The following ROBO1 variants were observed in gnomAD, a reference collection of about 807,000 sequenced individuals.
ROBO1 encodes roundabout homolog 1.
ROBO1 carries 149 observed loss-of-function variants against 195.9 expected under a neutral mutation model. That is an observed-to-expected ratio of 0.76 (90% CI 0.67 to 0.87). The LOEUF (loss-of-function observed/expected upper bound fraction) is 0.87, where lower values mean the gene tolerates loss of function less well. Ranked by LOEUF, ROBO1 falls within the 40% of genes least tolerant of loss-of-function variation. ROBO1 has a pLI of 0.00. For missense variants in ROBO1, 1,933 were observed against 2,068.3 expected, an observed-to-expected ratio of 0.93 and a Z score of 1.27; for synonymous variants, 816 against 733.2, an observed-to-expected ratio of 1.11 and a Z score of -1.82.
intron 2 of ROBO1, among the ~76,000 whole-genome samples, chr3:79,537,352 G>A (rs1225699961): frequency 1.3e-5 from 2 of 152,092 alleles, no homozygotes; most frequent in Non-Finnish European, 2.9e-5. Context: ...ATGGGAACGT[G>A]CAGGAAGTTA....
chr3:79,496,032 G>C (rs1483007291), intron 2 of ROBO1, among the ~76,000 whole-genome samples: 1 of 151,924 alleles, frequency 6.6e-6, no homozygotes, highest in East Asian at 1.9e-4. Context: ...GGCCAACATG[G>C]TGAAACCCCG....
intron 2 of ROBO1, among the ~76,000 whole-genome samples, chr3:79,321,306 C>G (rs954131807): frequency 6.6e-6 from 1 of 151,830 alleles, no homozygotes; most frequent in Admixed American, 6.6e-5. Context: ...TTTAGATTAT[C>G]TCTAAAATGC....
At chr3:79,033,991 A>G (rs1039862824) in intron 3 of ROBO1, among the ~76,000 whole-genome samples, 1 of 152,110 alleles carries the variant, frequency 6.6e-6, no homozygotes, top group Non-Finnish European at 1.5e-5. Flanking sequence ...ACAACTGTCA[A>G]TCCTTTCAAA....
chr3:78,697,292 T>G (rs937233937), intron 8 of ROBO1, among the ~76,000 whole-genome samples: 1 of 152,084 alleles, frequency 6.6e-6, no homozygotes, highest in African/African-American at 2.4e-5. Flanking sequence ...CGGAGGAAGA[T>G]TCCTCTTTTA....
At chr3:79,347,381 T>A (rs1381552606) in intron 2 of ROBO1, among the ~76,000 whole-genome samples, 1 of 152,206 alleles carries the variant, frequency 6.6e-6, no homozygotes, top group African/African-American at 2.4e-5. Flanking sequence ...AGCATGTTTG[T>A]TGGACTGAAA....
chr3:79,077,146 A>G (rs910613195), intron 3 of ROBO1, among the ~76,000 whole-genome samples: 2 of 151,912 alleles, frequency 1.3e-5, no homozygotes, highest in Non-Finnish European at 2.9e-5. Context: ...GAACTTGTTC[A>G]TCTTATAACG....
At chr3:79,502,242 C>G (rs1263876517) in intron 2 of ROBO1, among the ~76,000 whole-genome samples, 1 of 152,138 alleles carries the variant, frequency 6.6e-6, no homozygotes, top group Admixed American at 6.5e-5. Context: ...CCTCAGCTTG[C>G]GGGGAGGTGT....
At chr3:78,934,416 C>T (rs185136525) in intron 4 of ROBO1, among the ~76,000 whole-genome samples, 2 of 151,694 alleles carry the variant, frequency 1.3e-5, no homozygotes, top group Non-Finnish European at 1.5e-5. Context: ...GTTTTAGAAT[C>T]TGATCAAAGC....
rs573341459 is a variant in ROBO1 at position 78,904,570 on chromosome 3, A to G, written c.499+34031T>C. On this transcript the variant is annotated intron_variant, in intron 4 of 30. Coordinates refer to ENST00000464233, the MANE Select transcript of ROBO1 (RefSeq NM_002941.4). Reference sequence around the variant, plus strand: ...ATTGGGGCTGGATAAATAAGCCGCAAAAGTAGCTCAGAATTCCATGCTCTC... The same window carrying G: ...ATTGGGGCTGGATAAATAAGCCGCAGAAGTAGCTCAGAATTCCATGCTCTC... 5.3e-5 allele frequency among the ~76,000 whole-genome samples: 8 copies of G among 152,130 alleles called. No individual in the cohort carries two copies. In the East Asian group the frequency reaches 1.5e-3, roughly 29 times the overall value.
chr3:79,044,911 A>C (rs2078561452), intron 3 of ROBO1, among the ~76,000 whole-genome samples: 1 of 152,004 alleles, frequency 6.6e-6, no homozygotes, highest in African/African-American at 2.4e-5. Context: ...TTGTTTGAAA[A>C]TTGAGAATAG....
chr3:78,688,590 T>A lies in ROBO1; in HGVS notation c.1170+58A>T, dbSNP rs1196697498. ...AGTAATATGTTGGTTTTTCTTCTCA[T>A]ACATCTTGGCAACCATCTTTGCTGA... On this transcript the variant is annotated intron_variant, in intron 9 of 30. Coordinates refer to ENST00000464233, the MANE Select transcript of ROBO1 (RefSeq NM_002941.4). 6.1e-6 allele frequency: 9 copies of A among 1,484,134 alleles called. No individual in the cohort carries two copies. The South Asian group carries it at 6.8e-5, about 11-fold the overall frequency. 91.9% of individuals were successfully genotyped at this position (1,484,134 alleles called of 1,614,324 possible).
intron 2 of ROBO1, among the ~76,000 whole-genome samples, chr3:79,521,028 A>G (rs1248649411): frequency 6.6e-6 from 1 of 152,166 alleles, no homozygotes; most frequent in Non-Finnish European, 1.5e-5. Flanking sequence ...GTCTGTAGAC[A>G]TTAGCTACTT....
At chr3:79,630,665 T>G (rs1355421836) in intron 1 of ROBO1, among the ~76,000 whole-genome samples, 1 of 151,876 alleles carries the variant, frequency 6.6e-6, no homozygotes, top group Non-Finnish European at 1.5e-5. Context: ...ATAAAAGGCA[T>G]CCAAATTATA....
At chr3:79,074,130 C>A (rs1157262447) in intron 3 of ROBO1, among the ~76,000 whole-genome samples, 2 of 151,446 alleles carry the variant, frequency 1.3e-5, no homozygotes, top group Admixed American at 6.6e-5. Context: ...AATTATATTT[C>A]TTGGGATCCC....
intron 4 of ROBO1, among the ~76,000 whole-genome samples, chr3:78,924,259 T>C (rs1488044307): frequency 1.3e-5 from 2 of 152,086 alleles, no homozygotes. Flanking sequence ...AATTTCAAAT[T>C]AAATATTAAT....
At chr3:78,655,344 T>C (rs1022972912) in intron 18 of ROBO1, among the ~76,000 whole-genome samples, 2 of 152,142 alleles carry the variant, frequency 1.3e-5, no homozygotes, top group South Asian at 2.1e-4. Flanking sequence ...CCCCATTCAT[T>C]TGCTTGCAGT....
At chr3:79,399,220 T>A (rs1358273615) in intron 2 of ROBO1, among the ~76,000 whole-genome samples, 2 of 149,408 alleles carry the variant, frequency 1.3e-5, no homozygotes, top group East Asian at 2.0e-4. Context: ...TCCTAAAGAG[T>A]CATAGTCAGA....
At chr3:79,756,184 T>C (rs1250538036) in intron 1 of ROBO1, among the ~76,000 whole-genome samples, 1 of 152,178 alleles carries the variant, frequency 6.6e-6, no homozygotes, top group East Asian at 1.9e-4. Flanking sequence ...TATTAATAGG[T>C]GAAGAGTCTA....
chr3:78,818,190 G>A (rs1039437773), intron 4 of ROBO1, among the ~76,000 whole-genome samples: 3 of 152,154 alleles, frequency 2.0e-5, no homozygotes, highest in African/African-American at 7.2e-5. Context: ...CAGGGATGAT[G>A]GTCTGTGGGG....
Sources: gnomAD v4.1 joint callset for allele counts (sites outside exome capture counted in the v4.1 genomes callset) on GRCh38, gnomAD v4.1.1 for gene constraint, MANE v1.5 for transcripts, NCBI Gene and HGNC (gene_info 2026-07-23, HGNC 2026-07-21) for gene names.